KIAA1217: variants seen among roughly 807,000 people sequenced by gnomAD.
KIAA1217 encodes KIAA1217, also known as sickle tail protein homolog.
Under a neutral mutation model 163.9 loss-of-function variants are expected in KIAA1217, and 88 were observed. The ratio of observed to expected loss-of-function variants is 0.54; its 90% CI spans 0.45 to 0.64. The LOEUF (loss-of-function observed/expected upper bound fraction) is 0.64. Among genes scored for constraint, KIAA1217 ranks in the 30% least tolerant of loss-of-function variants. The pLI is 0.00. For synonymous variants in KIAA1217, 903 were observed against 923.1 expected (o/e 0.98, Z 0.39); for missense variants, 2,372 against 2,475.0 (o/e 0.96, Z 0.88).
At chr10:24,373,685 G>T (rs1045216211) in intron 2 of KIAA1217, among the ~76,000 whole-genome samples, 1 of 152,168 alleles carries the variant, frequency 6.6e-6, no homozygotes, top group African/African-American at 2.4e-5. Context: ...ATGAGGAAGA[G>T]CCCTTTTCTG....
At chr10:24,160,555 T>C (rs2065074631) in intron 2 of KIAA1217, among the ~76,000 whole-genome samples, 1 of 152,224 alleles carries the variant, frequency 6.6e-6, no homozygotes, top group Non-Finnish European at 1.5e-5. Context: ...TTGAATGCTG[T>C]GTTTCCATAG....
intron 1 of KIAA1217, among the ~76,000 whole-genome samples, chr10:23,957,174 C>T (rs1427442097): frequency 6.6e-6 from 1 of 152,166 alleles, no homozygotes; most frequent in Non-Finnish European, 1.5e-5. Context: ...CGGAATCCAC[C>T]TCACGCTTTC....
At chr10:24,400,774 G>A (rs76752115) in intron 3 of KIAA1217, among the ~76,000 whole-genome samples, 10,758 of 152,046 alleles carry the variant, frequency 0.071, 515 homozygotes, top group Middle Eastern at 0.15. Flanking sequence ...AAACATGAAA[G>A]ACCAACTTAG....
chr10:24,233,172 C>T (rs1198426802), intron 2 of KIAA1217, among the ~76,000 whole-genome samples: 2 of 151,898 alleles, frequency 1.3e-5, no homozygotes, highest in Non-Finnish European at 2.9e-5. Context: ...CAACATCTGC[C>T]CTCTCTTAGT....
intron 2 of KIAA1217, among the ~76,000 whole-genome samples, chr10:24,141,773 C>G (rs1030338454): frequency 8.5e-5 from 13 of 152,292 alleles, no homozygotes; most frequent in African/African-American, 2.9e-4. Flanking sequence ...TCAGAACCAG[C>G]AGCCTGAACC....
At chr10:23,775,120 G>T (rs1450965047) in intron 1 of KIAA1217, among the ~76,000 whole-genome samples, 1 of 152,180 alleles carries the variant, frequency 6.6e-6, no homozygotes, top group Non-Finnish European at 1.5e-5. Context: ...GCCTCAGGCA[G>T]TGAGTCCATT....
intron 2 of KIAA1217, among the ~76,000 whole-genome samples, chr10:24,240,470 A>T (rs74393390): frequency 4.4e-4 from 67 of 152,386 alleles, no homozygotes; most frequent in South Asian, 1.4e-3. Flanking sequence ...AATGTGGATT[A>T]ATGCCAGAAC....
intron 1 of KIAA1217, among the ~76,000 whole-genome samples, chr10:23,908,604 C>CT (rs1842285355): frequency 6.6e-6 from 1 of 152,128 alleles, no homozygotes; most frequent in African/African-American, 2.4e-5. Context: ...GCCCTGAGGT[C>CT]TCAGCTGAAC....
At chr10:24,214,756 T>TA (rs2068599474) in intron 1 of KIAA1217, among the ~76,000 whole-genome samples, 1 of 152,190 alleles carries the variant, frequency 6.6e-6, no homozygotes, top group South Asian at 2.1e-4. Flanking sequence ...AGGAGACAGC[T>TA]AACCAGAAGC....
intron 5 of KIAA1217, among the ~76,000 whole-genome samples, chr10:24,443,393 CTA>C (rs2060661748): frequency 6.6e-6 from 1 of 152,196 alleles, no homozygotes; most frequent in South Asian, 2.1e-4. Context: ...CATTATCTCT[CTA>C]CTGAATCACC....
intron 1 of KIAA1217, among the ~76,000 whole-genome samples, chr10:23,969,954 A>G (rs1055611365): frequency 2.0e-5 from 3 of 152,304 alleles, no homozygotes; most frequent in East Asian, 3.9e-4. Context: ...AATGAAAGCC[A>G]AGCAAAAGGG....
intron 9 of KIAA1217, among the ~76,000 whole-genome samples, chr10:24,512,422 C>T (rs541075504): frequency 6.6e-6 from 1 of 152,142 alleles, no homozygotes; most frequent in Non-Finnish European, 1.5e-5. Context: ...AGAAAATTGT[C>T]CTGCTCCAGG....
chr10:24,411,076 A>G (rs1424049824), intron 3 of KIAA1217, among the ~76,000 whole-genome samples: 1 of 152,210 alleles, frequency 6.6e-6, no homozygotes, highest in Non-Finnish European at 1.5e-5. Context: ...CAAAGATATC[A>G]GAATGTACTG....
chr10:23,800,293 C>T (rs1224414699), intron 1 of KIAA1217, among the ~76,000 whole-genome samples: 1 of 152,132 alleles, frequency 6.6e-6, no homozygotes, highest in East Asian at 1.9e-4. Context: ...ATGTAAATTA[C>T]AATAAGATTA....
chr10:23,939,541 A>G (rs1207436690), intron 1 of KIAA1217, among the ~76,000 whole-genome samples: 1 of 152,106 alleles, frequency 6.6e-6, no homozygotes, highest in African/African-American at 2.4e-5. Context: ...ATAACAGTAC[A>G]TAAAATATAA....
At chr10:24,487,221 T>C (rs988065696) in intron 6 of KIAA1217, among the ~76,000 whole-genome samples, 3 of 152,196 alleles carry the variant, frequency 2.0e-5, no homozygotes, top group African/African-American at 7.2e-5. Flanking sequence ...TATTGCTCCG[T>C]CTCCACCATC....
chr10:24,163,391 A>G (rs2065205885), intron 2 of KIAA1217, among the ~76,000 whole-genome samples: 1 of 152,182 alleles, frequency 6.6e-6, no homozygotes, highest in African/African-American at 2.4e-5. Flanking sequence ...TCAACTCTCA[A>G]ATTCCATCTC....
chr10:23,849,714 G>T (rs1265682083), intron 1 of KIAA1217, among the ~76,000 whole-genome samples: 3 of 151,994 alleles, frequency 2.0e-5, no homozygotes, highest in Non-Finnish European at 4.4e-5. Context: ...AAAAAAAAGA[G>T]TTGCTCTCAA....
At chr10:24,277,415 G>C (rs55878921) in intron 2 of KIAA1217, among the ~76,000 whole-genome samples, 2,108 of 152,298 alleles carry the variant, frequency 0.014, 22 homozygotes, top group Non-Finnish European at 0.019. Context: ...AGGTTGCCCT[G>C]GGGGAGCCCA....
Sources: gnomAD v4.1 joint callset for allele counts (sites outside exome capture counted in the v4.1 genomes callset) on GRCh38, gnomAD v4.1.1 for gene constraint, MANE v1.5 for transcripts, NCBI Gene and HGNC (gene_info 2026-07-23, HGNC 2026-07-21) for gene names.